Variants in BRWD3 observed in about 807,000 individuals in gnomAD.
BRWD3 encodes bromodomain and WD repeat-containing protein 3.
In BRWD3, 10 loss-of-function variants were observed where a neutral mutation model predicts 149.7. The observed-to-expected ratio is 0.07, with a 90% CI of 0.04 to 0.11. The LOEUF (loss-of-function observed/expected upper bound fraction) is 0.11. BRWD3 is among the 10% of genes least tolerant of loss of function. The pLI, the probability that BRWD3 is intolerant of heterozygous loss-of-function variation, is 1.00. For synonymous variants in BRWD3, 504 were observed against 456.7 expected, an observed-to-expected ratio of 1.10 and a Z score of -1.32; for missense variants, 940 against 1,373.2, an observed-to-expected ratio of 0.68 and a Z score of 4.99.
chrX:80,774,991 T>C (rs1468146539), intron 6 of BRWD3, among the ~76,000 whole-genome samples: 1 of 112,273 alleles, frequency 8.9e-6, no homozygotes, highest in Admixed American at 9.5e-5. Context: ...CATCCAATGA[T>C]TCCTCAATTA....
At chrX:80,783,726 G>C (rs2074080368) in intron 6 of BRWD3, among the ~76,000 whole-genome samples, 1 of 111,188 alleles carries the variant, frequency 9.0e-6, no homozygotes, top group African/African-American at 3.3e-5. Flanking sequence ...ATACGCAATG[G>C]AATACTATTC....
chrX:80,776,974 T>C (rs2074005776), intron 6 of BRWD3, among the ~76,000 whole-genome samples: 1 of 110,963 alleles, frequency 9.0e-6, no homozygotes, highest in African/African-American at 3.3e-5. Context: ...GGCCTTTCAT[T>C]GTTACTTGGG....
chrX:80,734,269 C>A (rs2073373207), intron 10 of BRWD3, 51 bp from the exon 11 acceptor site: 1 of 825,812 alleles, frequency 1.2e-6, no homozygotes, highest in Admixed American at 2.2e-5. Flanking sequence ...ACCTTAAAAA[C>A]CCTCTCATTA....
chrX:80,809,009 G>T lies in BRWD3; in HGVS notation c.120+4C>A, dbSNP rs1370866891. 1 of 1,197,345 alleles carries T rather than the reference G, an allele frequency of 8.4e-7. No individual in the cohort carries two copies. The highest frequency in any genetic ancestry group is 1.1e-6 in the Non-Finnish European group (1 of 888,276). On this transcript the variant is annotated splice_donor_region_variant and intron_variant, in intron 3 of 40. Coordinates refer to ENST00000373275, the MANE Select transcript of BRWD3 (RefSeq NM_153252.5). ...TCCCCACCCTTCCCGAAGGGGCTCC[G>T]TACCTGATGCTCCTCGAGCTCCTGC...
intron 11 of BRWD3, among the ~76,000 whole-genome samples, chrX:80,733,741 G>T (rs1236685927): frequency 9.0e-6 from 1 of 110,735 alleles, no homozygotes; most frequent in Admixed American, 9.6e-5. Context: ...ATAGATATTA[G>T]TTTATTATGT....
At chrX:80,735,896 A>C (rs1353496769) in intron 9 of BRWD3, 92 bp downstream of exon 9, 3 of 553,976 alleles carry the variant, frequency 5.4e-6, no homozygotes, top group African/African-American at 4.7e-5. Flanking sequence ...CACATATGTA[A>C]ATATATATAT....
At chrX:80,730,864 T>C (rs1266317303) in intron 12 of BRWD3, among the ~76,000 whole-genome samples, 3 of 112,037 alleles carry the variant, frequency 2.7e-5, no homozygotes, top group Non-Finnish European at 3.8e-5. Context: ...CGTAGATCTA[T>C]TTCTATGTTT....
rs1370270571 is a variant in BRWD3 at position 80,809,481 on chromosome X, G to T, written c.-10C>A. 2 of 1,159,445 alleles carry T rather than the reference G, an allele frequency of 1.7e-6. No homozygotes were observed. Among genetic ancestry groups the T allele is most frequent in the South Asian group, 3.8e-5 (2 of 52,272 alleles). Reference sequence around the variant, plus strand: ...TAGGTGCTGCCGCCATCCTTTTCCCGAGGGGGTTTGGGGGCTTCGCTCCGG... The same window carrying T: ...TAGGTGCTGCCGCCATCCTTTTCCCTAGGGGGTTTGGGGGCTTCGCTCCGG... On this transcript the variant is annotated 5_prime_UTR_variant, in exon 1 of 41. Coordinates refer to ENST00000373275, the MANE Select transcript of BRWD3 (RefSeq NM_153252.5).
intron 25 of BRWD3, among the ~76,000 whole-genome samples, chrX:80,699,023 G>C (rs192143432): frequency 4.1e-4 from 45 of 110,088 alleles, no homozygotes; most frequent in African/African-American, 1.5e-3. Flanking sequence ...AGACTAGCCT[G>C]GTCAATGTGG....
At chrX:80,803,438 A>G (rs779406146) in intron 4 of BRWD3, among the ~76,000 whole-genome samples, 1 of 111,516 alleles carries the variant, frequency 9.0e-6, no homozygotes, top group African/African-American at 3.3e-5. Flanking sequence ...TAAATCTCCA[A>G]AAGGATTTTA....
chrX:80,773,190 G>T (rs756990910), intron 6 of BRWD3, among the ~76,000 whole-genome samples: 3 of 111,446 alleles, frequency 2.7e-5, no homozygotes, highest in Non-Finnish European at 5.7e-5. Flanking sequence ...TACTAAAAGT[G>T]TACAGAACTT....
At chrX:80,694,701 C>CTTCA (rs1409415415) in intron 27 of BRWD3, among the ~76,000 whole-genome samples, 11 of 111,147 alleles carry the variant, frequency 9.9e-5, no homozygotes, top group Non-Finnish European at 2.1e-4. Context: ...TGCATGGAGC[C>CTTCA]TTCAGTCCCT....
intron 14 of BRWD3, among the ~76,000 whole-genome samples, chrX:80,728,546 C>A (rs760503212): frequency 5.4e-5 from 6 of 111,360 alleles, no homozygotes; most frequent in Non-Finnish European, 1.1e-4. Context: ...TAGAAAAGAT[C>A]TTGAAAAGAT....
intron 23 of BRWD3, among the ~76,000 whole-genome samples, chrX:80,703,963 T>C (rs185616962): frequency 8.9e-6 from 1 of 112,512 alleles, no homozygotes; most frequent in East Asian, 2.8e-4. Context: ...AGAATGTGTC[T>C]ATAATCAATT....
intron 6 of BRWD3, among the ~76,000 whole-genome samples, chrX:80,789,791 G>C (rs1375033498): frequency 9.3e-6 from 1 of 107,850 alleles, no homozygotes; most frequent in Non-Finnish European, 1.9e-5. Context: ...TTAAAAAGCT[G>C]TTTGCCACAT....
chrX:80,726,746 G>A (rs995081850), intron 14 of BRWD3, among the ~76,000 whole-genome samples: 4 of 110,660 alleles, frequency 3.6e-5, no homozygotes, highest in African/African-American at 1.3e-4. Flanking sequence ...CTTTAGACTG[G>A]CTCAAAATGT....
intron 36 of BRWD3, 116 bp downstream of exon 36, chrX:80,685,346 A>C: frequency 1.6e-6 from 1 of 639,527 alleles, no homozygotes. Flanking sequence ...AAACAAAGGT[A>C]AAAAGGGGAG....
At position 80,709,422 on chromosome X, in the gene BRWD3, T is replaced by G. The variant is rs2072924319; in HGVS notation, c.2475+6A>C. 1 of 1,201,512 alleles carries G rather than the reference T, an allele frequency of 8.3e-7. No individual in the cohort carries two copies. The highest frequency in any genetic ancestry group is 3.0e-5 in the East Asian group (1 of 33,770). Reference sequence around the variant, plus strand: ...TACATCAAATAAATAATAGTATATATATAACCTCTGAAGAACTGTCTGAGT... The same window carrying G: ...TACATCAAATAAATAATAGTATATAGATAACCTCTGAAGAACTGTCTGAGT... On this transcript the variant is annotated splice_donor_region_variant and intron_variant, in intron 21 of 40. Coordinates refer to ENST00000373275, the MANE Select transcript of BRWD3 (RefSeq NM_153252.5).
intron 6 of BRWD3, among the ~76,000 whole-genome samples, chrX:80,788,311 T>C (rs2074138545): frequency 9.1e-6 from 1 of 109,437 alleles, no homozygotes; most frequent in Non-Finnish European, 1.9e-5. Flanking sequence ...AACTGCACAT[T>C]GAGAGAAAAT....
Sources: gnomAD v4.1 joint callset for allele counts (sites outside exome capture counted in the v4.1 genomes callset) on GRCh38, gnomAD v4.1.1 for gene constraint, MANE v1.5 for transcripts, NCBI Gene and HGNC (gene_info 2026-07-23, HGNC 2026-07-21) for gene names.